Variants in ANKRD11 observed in about 807,000 individuals in gnomAD.
The protein encoded by ANKRD11 is ankyrin repeat domain-containing protein 11.
A neutral mutation model predicts 195.7 loss-of-function variants in ANKRD11; 17 were observed. The ratio of observed to expected loss-of-function variants is 0.09; its 90% CI spans 0.06 to 0.13. ANKRD11 has a LOEUF of 0.13. ANKRD11 is among the 10% of genes least tolerant of loss of function. The pLI is 1.00. For missense variants in ANKRD11, 3,735 were observed against 3,566.1 expected (o/e 1.05, Z -1.21); for synonymous variants, 1,953 against 1,528.1 (o/e 1.28, Z -6.49).
At chr16:89,319,148 C>T (rs2151927007) in intron 2 of ANKRD11, among the ~76,000 whole-genome samples, 1 of 152,344 alleles carries the variant, frequency 6.6e-6, no homozygotes, top group South Asian at 2.1e-4. Flanking sequence ...GTAGAGTCCA[C>T]CGTCCTGATC....
intron 1 of ANKRD11, among the ~76,000 whole-genome samples, chr16:89,428,330 C>T (rs1597373618): frequency 1.3e-5 from 2 of 152,018 alleles, no homozygotes; most frequent in African/African-American, 4.8e-5. Context: ...TCGAGACCAT[C>T]CTGGCCAACA....
intron 2 of ANKRD11, among the ~76,000 whole-genome samples, chr16:89,382,728 C>A (rs1331787331): frequency 6.6e-6 from 1 of 152,226 alleles, no homozygotes; most frequent in African/African-American, 2.4e-5. Context: ...AATCCTCCTG[C>A]CTCGGCCTCC....
chr16:89,278,642 G>A (rs1196091705), intron 9 of ANKRD11: 3 of 462,804 alleles, frequency 6.5e-6, no homozygotes, highest in Non-Finnish European at 1.3e-5. Flanking sequence ...GACTCATCGT[G>A]CAGGTATGGA....
rs372592637 is a variant in ANKRD11 at position 89,290,876 on chromosome 16, G to T, written c.398-48C>A. The stretch of plus-strand genomic sequence containing the variant: ...ATGGGCATTACTGTGGGGTGGTCCT[G>T]CTTTGTCCAATCTTCAAGAGCCCAG... On this transcript the variant is annotated intron_variant, in intron 5 of 12. Transcript: ENST00000301030. The T allele has an allele frequency of 1.9e-6, 3 of 1,610,868 alleles. No homozygotes were observed. In the Admixed American group the frequency reaches 5.0e-5, roughly 27 times the overall value.
chr16:89,288,292 C>A (rs16965536), intron 7 of ANKRD11: 2 of 683,078 alleles, frequency 2.9e-6, no homozygotes, highest in African/African-American at 1.8e-5. Context: ...CTAGCGGATA[C>A]GAGCCTTTCA....
intron 11 of ANKRD11, chr16:89,271,169 T>A: frequency 1.9e-6 from 1 of 525,320 alleles, no homozygotes; most frequent in Non-Finnish European, 3.5e-6. Context: ...GCCCCACCTG[T>A]GAGCCGGTCC....
intron 1 of ANKRD11, among the ~76,000 whole-genome samples, chr16:89,456,642 A>G (rs1220623702): frequency 2.0e-5 from 3 of 152,206 alleles, no homozygotes; most frequent in African/African-American, 7.2e-5. Context: ...ATTCACAAGT[A>G]AACAGGAATA....
chr16:89,305,876 C>T (rs1284557139), intron 3 of ANKRD11, among the ~76,000 whole-genome samples: 1 of 62,134 alleles, frequency 1.6e-5, no homozygotes, highest in South Asian at 6.3e-4. Context: ...CACGCACCAC[C>T]CACCTCCCAC....
chr16:89,323,963 T>C, intron 2 of ANKRD11: 1 of 220,638 alleles, frequency 4.5e-6, no homozygotes, highest in Non-Finnish European at 9.1e-6. Flanking sequence ...TGTCGGCCCC[T>C]CCCCTGCACC....
At chr16:89,289,214 C>T (rs1293467390) in intron 6 of ANKRD11, among the ~76,000 whole-genome samples, 4 of 152,076 alleles carry the variant, frequency 2.6e-5, no homozygotes, top group South Asian at 4.1e-4. Flanking sequence ...CGCACGCATC[C>T]GTGGAAACAG....
chr16:89,487,082 A>C (rs1370528057), intron 1 of ANKRD11, among the ~76,000 whole-genome samples: 1 of 152,214 alleles, frequency 6.6e-6, no homozygotes, highest in Non-Finnish European at 1.5e-5. Flanking sequence ...ATTTCAAGAC[A>C]ATAACTTTTA....
chr16:89,489,441 C>T (rs2057736150), intron 1 of ANKRD11, among the ~76,000 whole-genome samples: 1 of 146,094 alleles, frequency 6.8e-6, no homozygotes, highest in South Asian at 2.2e-4. Context: ...ACCCCCCACA[C>T]GGCTGCCCGC....
chr16:89,450,152 T>G (rs1231222698), intron 1 of ANKRD11, among the ~76,000 whole-genome samples: 1 of 152,202 alleles, frequency 6.6e-6, no homozygotes, highest in Non-Finnish European at 1.5e-5. Flanking sequence ...AGTACATGAT[T>G]CTGACTCTGA....
At position 89,283,338 on chromosome 16, in the gene ANKRD11, G is replaced by C; in HGVS notation, c.3204C>G (p.Asp1068Glu). The part of the protein sequence containing the change: ...EKKDTKEKHK[D>E]THGKDKERKA... Reference sequence around the variant, plus strand: ...TCCTTTCTTTGTCTTTGCCATGTGTGTCTTTATGTTTTTCCTTGGTATCTT... The same window carrying C: ...TCCTTTCTTTGTCTTTGCCATGTGTCTCTTTATGTTTTTCCTTGGTATCTT... Residue 1068 changes from aspartate (D) to glutamate (E), a missense_variant, in exon 9 of 13, where the codon GAC becomes GAG. Coordinates refer to ENST00000301030, the MANE Select transcript of ANKRD11 (RefSeq NM_013275.6). The surrounding 1 kb of genome is among the most constrained non-coding windows in gnomAD (Gnocchi z 4.3). 2 of 1,613,764 alleles carry C rather than the reference G, an allele frequency of 1.2e-6. No individual in the cohort carries two copies. The highest frequency in any genetic ancestry group is 1.7e-6 in the Non-Finnish European group (2 of 1,180,018).
chr16:89,341,168 C>T (rs1393842420), intron 2 of ANKRD11, among the ~76,000 whole-genome samples: 3 of 152,152 alleles, frequency 2.0e-5, no homozygotes, highest in African/African-American at 7.2e-5. Flanking sequence ...AAACCCACAG[C>T]TCTGTTTCTA....
At chr16:89,415,602 T>C (rs1023369863) in intron 2 of ANKRD11, among the ~76,000 whole-genome samples, 2 of 150,890 alleles carry the variant, frequency 1.3e-5, no homozygotes, top group Admixed American at 1.3e-4. Flanking sequence ...TAATGCCAGA[T>C]AAAACAATGG....
intron 1 of ANKRD11, among the ~76,000 whole-genome samples, chr16:89,473,858 T>G (rs2057168488): frequency 6.6e-6 from 1 of 152,098 alleles, no homozygotes; most frequent in African/African-American, 2.4e-5. Context: ...CAGAATGTGG[T>G]GAAAACAATG....
At position 89,282,193 on chromosome 16, in the gene ANKRD11, G is replaced by A; in HGVS notation, c.4349C>T (p.Ser1450Phe). The A allele has an allele frequency of 1.2e-6, 2 of 1,613,938 alleles. No individual in the cohort carries two copies. Among genetic ancestry groups the A allele is most frequent in the Non-Finnish European group, 1.7e-6 (2 of 1,179,986 alleles). Residue 1450 changes from serine to phenylalanine, a missense_variant, in exon 9 of 13, where the codon TCT becomes TTT. Ser to Phe is a radical substitution (Grantham distance 155, BLOSUM62 -2). Transcript: ENST00000301030. ...CTCTTTTAGGATGTTGATGGCACTA[G>A]ATCCATAAGGCTTTAGTTCCTTTTC... ...KIEKELKPYG[S>F]SAINILKEKK...
intron 2 of ANKRD11, among the ~76,000 whole-genome samples, chr16:89,411,770 A>G (rs973234454): frequency 9.2e-5 from 14 of 152,212 alleles, no homozygotes; most frequent in African/African-American, 3.1e-4. Flanking sequence ...AATGGACAAC[A>G]CAAATAAATA....
Sources: gnomAD v4.1 joint callset for allele counts (sites outside exome capture counted in the v4.1 genomes callset) on GRCh38, gnomAD v4.1.1 for gene constraint, Gnocchi (gnomAD v3.1) non-coding constraint, MANE v1.5 for transcripts, NCBI Gene and HGNC (gene_info 2026-07-23, HGNC 2026-07-21) for gene names.